Variants in SYNPR observed in about 807,000 individuals in gnomAD.
SYNPR encodes the protein synaptoporin.
In SYNPR, 23 loss-of-function variants were observed where a neutral mutation model predicts 32.9. The ratio of observed to expected loss-of-function variants is 0.70; its 90% CI spans 0.50 to 0.99. The LOEUF is 0.99. Among genes scored for constraint, SYNPR ranks in the 50% least tolerant of loss-of-function variants. The pLI, the probability that SYNPR is intolerant of heterozygous loss-of-function variation, is 0.00. For synonymous variants in SYNPR, 146 were observed against 135.9 expected, an observed-to-expected ratio of 1.07 and a Z score of -0.52; for missense variants, 318 against 349.3, an observed-to-expected ratio of 0.91 and a Z score of 0.71.
chr3:63,287,745 C>CATTGTGAAGTGGA (rs2086699511), intron 2 of SYNPR, among the ~76,000 whole-genome samples: 1 of 152,144 alleles, frequency 6.6e-6, no homozygotes, highest in Non-Finnish European at 1.5e-5. Flanking sequence ...TAATGGTCTT[C>CATTGTGAAGTGGA]ATTGTGAAGT....
chr3:63,208,918 T>C, the SYNPR span, among the ~76,000 whole-genome samples: 2 of 152,296 alleles, frequency 1.3e-5, no homozygotes, highest in East Asian at 3.9e-4. Flanking sequence ...CCCTCAAAGG[T>C]TTGACTATAG....
intron 3 of SYNPR, among the ~76,000 whole-genome samples, chr3:63,487,843 T>C (rs546203783): frequency 1.1e-4 from 17 of 152,316 alleles, no homozygotes; most frequent in African/African-American, 3.8e-4. Flanking sequence ...AGGCTTAGTC[T>C]GATCTTTGTA....
intron 4 of SYNPR, among the ~76,000 whole-genome samples, chr3:63,581,368 G>T (rs534543727): frequency 2.8e-4 from 27 of 96,642 alleles, no homozygotes; most frequent in African/African-American, 8.2e-4. Context: ...CCAAACAAAA[G>T]AAAGTTCCTG....
the SYNPR span, among the ~76,000 whole-genome samples, chr3:63,206,985 G>A: frequency 1.3e-5 from 2 of 152,192 alleles, no homozygotes; most frequent in Non-Finnish European, 2.9e-5. Context: ...AGAACAGAAT[G>A]AAGTTGACGT....
chr3:63,494,996 C>A (rs1322950460), intron 3 of SYNPR, among the ~76,000 whole-genome samples: 1 of 152,150 alleles, frequency 6.6e-6, no homozygotes, highest in African/African-American at 2.4e-5. Flanking sequence ...CCTTGGGACT[C>A]AGAATCACTG....
intron 2 of SYNPR, among the ~76,000 whole-genome samples, chr3:63,368,753 T>C (rs1430932996): frequency 6.6e-6 from 1 of 152,190 alleles, no homozygotes; most frequent in African/African-American, 2.4e-5. Context: ...AAAATGGCCT[T>C]TGATTTTGGC....
chr3:63,435,927 G>T (rs995819952), intron 2 of SYNPR, among the ~76,000 whole-genome samples: 2 of 152,180 alleles, frequency 1.3e-5, no homozygotes, highest in African/African-American at 4.8e-5. Context: ...AGGCCCGTAA[G>T]TTCCTGGCTT....
intron 2 of SYNPR, among the ~76,000 whole-genome samples, chr3:63,466,109 T>G (rs1700673106): frequency 6.6e-6 from 1 of 152,208 alleles, no homozygotes; most frequent in African/African-American, 2.4e-5. Flanking sequence ...CCTCTATGTG[T>G]CCATGTGTTC....
chr3:63,535,036 T>C (rs1352978448), intron 3 of SYNPR, among the ~76,000 whole-genome samples: 2 of 152,160 alleles, frequency 1.3e-5, no homozygotes, highest in African/African-American at 4.8e-5. Flanking sequence ...GAGTAGTTAC[T>C]GTCAGTATTA....
chr3:63,443,574 T>G (rs1700220241), intron 2 of SYNPR: 6 of 1,318,762 alleles, frequency 4.5e-6, no homozygotes, highest in Non-Finnish European at 6.3e-6. Context: ...TTTCCAAGTA[T>G]CAGTTTTTAA....
intron 3 of SYNPR, chr3:63,550,171 A>G (rs1347938456): frequency 6.6e-6 from 1 of 151,872 alleles, no homozygotes; most frequent in Non-Finnish European, 1.5e-5. Flanking sequence ...TCCCCCCAAA[A>G]TACAAAATAT....
At chr3:63,266,749 G>A (rs2086493570) in intron 2 of SYNPR, among the ~76,000 whole-genome samples, 1 of 150,670 alleles carries the variant, frequency 6.6e-6, no homozygotes. Flanking sequence ...AAGTCGTGTT[G>A]TTGTAGCATC....
chr3:63,451,938 C>A (rs979603965), intron 2 of SYNPR: 7 of 575,370 alleles, frequency 1.2e-5, no homozygotes, highest in Middle Eastern at 5.2e-4. Context: ...CCTCAGCTCA[C>A]CTCTTCACTC....
At chr3:63,307,563 C>T (rs899157282) in intron 2 of SYNPR, among the ~76,000 whole-genome samples, 1 of 151,954 alleles carries the variant, frequency 6.6e-6, no homozygotes, top group Non-Finnish European at 1.5e-5. Context: ...TAATTAGCAG[C>T]TTTGTCAGCC....
At chr3:63,494,921 C>T (rs926233456) in intron 3 of SYNPR, among the ~76,000 whole-genome samples, 3 of 152,102 alleles carry the variant, frequency 2.0e-5, no homozygotes, top group Non-Finnish European at 4.4e-5. Flanking sequence ...TAGCCTATTC[C>T]TCATACCAGC....
chr3:63,253,109 G>A (rs1319004323), intron 2 of SYNPR, among the ~76,000 whole-genome samples: 1 of 151,492 alleles, frequency 6.6e-6, no homozygotes, highest in East Asian at 1.9e-4. Context: ...AAAATATTTG[G>A]CAAGTCCATT....
At chr3:63,586,163 G>A (rs1408653239) in intron 4 of SYNPR, among the ~76,000 whole-genome samples, 1 of 152,118 alleles carries the variant, frequency 6.6e-6, no homozygotes, top group Non-Finnish European at 1.5e-5. Flanking sequence ...GCTGACAGAT[G>A]GGTTGATATA....
intron 2 of SYNPR, among the ~76,000 whole-genome samples, chr3:63,447,518 G>T (rs1328760721): frequency 6.6e-6 from 1 of 152,152 alleles, no homozygotes; most frequent in African/African-American, 2.4e-5. Context: ...TTCTAGGCTG[G>T]TGTACAAATA....
At position 63,262,107 on chromosome 3, in the gene SYNPR, C is replaced by CAA. The variant is rs140768837; in HGVS notation, n.155-5201_155-5200dup. Among the ~76,000 whole-genome samples the CAA allele has an allele frequency of 1.6e-3, 232 of 149,000 alleles. 1 individual carries two copies. Among genetic ancestry groups the CAA allele is most frequent in the South Asian group, 7.2e-3 (34 of 4,706 alleles). ...TTTTTAGAGAGTTGTTTCTTAAGGACAAAAAAAAAACCATTTTACAAGGAT... is the reference window on the plus strand; with the variant it reads ...TTTTTAGAGAGTTGTTTCTTAAGGACAAAAAAAAAAAACCATTTTACAAGGAT... On this transcript the variant is annotated intron_variant and non_coding_transcript_variant, in intron 2 of 4. Coordinates refer to the SYNPR transcript ENST00000478456.
Sources: gnomAD v4.1 joint callset for allele counts (sites outside exome capture counted in the v4.1 genomes callset) on GRCh38, gnomAD v4.1.1 for gene constraint, MANE v1.5 for transcripts, NCBI Gene and HGNC (gene_info 2026-07-23, HGNC 2026-07-21) for gene names.